ZCCHC2: variants seen among roughly 807,000 people sequenced by gnomAD.
ZCCHC2 encodes zinc finger CCHC domain-containing protein 2.
In ZCCHC2, 39 loss-of-function variants were observed where a neutral mutation model predicts 103.6. The ratio of observed to expected loss-of-function variants is 0.38; its 90% CI spans 0.29 to 0.49. The LOEUF is 0.49. Among genes scored for constraint, ZCCHC2 ranks in the 20% least tolerant of loss-of-function variants. The pLI is 0.96. For synonymous variants in ZCCHC2, 687 were observed against 608.9 expected (o/e 1.13, Z -1.89); for missense variants, 1,483 against 1,491.0 (o/e 0.99, Z 0.09).
chr18:62,544,711 A>G (rs1235214792), intron 3 of ZCCHC2, 91 bp from the exon 4 acceptor site: 1 of 1,006,258 alleles, frequency 9.9e-7, no homozygotes, highest in East Asian at 2.8e-5. Flanking sequence ...GTAAAATTTA[A>G]GTAAGGCCCT....
downstream of ZCCHC2, among the ~76,000 whole-genome samples, chr18:62,583,345 C>G (rs934991823): frequency 6.6e-6 from 1 of 150,706 alleles, no homozygotes; most frequent in African/African-American, 2.4e-5. Flanking sequence ...CGAGTCATAA[C>G]GGTCATGATT....
chr18:62,554,451 T>C (rs550296255), intron 5 of ZCCHC2, among the ~76,000 whole-genome samples: 14 of 152,366 alleles, frequency 9.2e-5, no homozygotes, highest in African/African-American at 3.4e-4. Flanking sequence ...ACTCATTTGA[T>C]TTATCAAATA....
rs375978339 is a variant in ZCCHC2, at chr18:62,577,101, A to G, written c.*522A>G. Reference sequence around the variant, plus strand: ...ACCCCACTTTTGTAAACTGCTCTGCATATAAACCAAGGGCAGAATGTTTCA... The same window carrying G: ...ACCCCACTTTTGTAAACTGCTCTGCGTATAAACCAAGGGCAGAATGTTTCA... On this transcript the variant is annotated 3_prime_UTR_variant, in exon 14 of 14. Transcript: ENST00000269499. The G allele has an allele frequency of 2.4e-3, 374 of 157,062 alleles. No individual in the cohort carries two copies. Among genetic ancestry groups the G allele is most frequent in the African/African-American group, 8.4e-3 (348 of 41,590 alleles). 9.7% of individuals were successfully genotyped at this position (157,062 alleles called of 1,614,324 possible). A position where few individuals can be genotyped will look rare whatever the true frequency, so the allele number is the denominator to read the frequency against.
At chr18:62,560,113 C>T (rs868692865) in intron 7 of ZCCHC2, among the ~76,000 whole-genome samples, 5 of 152,138 alleles carry the variant, frequency 3.3e-5, no homozygotes, top group Non-Finnish European at 7.4e-5. Flanking sequence ...ACTAGTTAGC[C>T]TCTAGAGGGA....
intron 1 of ZCCHC2, among the ~76,000 whole-genome samples, chr18:62,535,585 C>T (rs999131426): frequency 6.6e-6 from 1 of 152,212 alleles, no homozygotes. Flanking sequence ...TCTCCTCTCT[C>T]CACGTGGTCC....
In ZCCHC2 at chr18:62,574,346, T is replaced by C. The variant is rs6567290; in HGVS notation, c.2265T>C (p.Pro755=). The part of the protein sequence containing the change: ...GKTIGMLVPS[P]VAISAIRESA... The stretch of plus-strand genomic sequence containing the variant: ...CCATAGGGATGCTTGTTCCTAGTCC[T>C]GTTGCTATTTCTGCAATAAGGGAGT... Residue 755 remains proline, a synonymous_variant, in exon 13 of 14, where the codon CCT becomes CCC. Transcript: ENST00000269499. The C allele has an allele frequency of 7.6e-3, 12,215 of 1,614,026 alleles. 720 individuals carry two copies. In the African/African-American group the frequency reaches 0.14, roughly 18 times the overall value.
chr18:62,564,682 C>T, intron 10 of ZCCHC2, 47 bp downstream of exon 10: 1 of 1,359,220 alleles, frequency 7.4e-7, no homozygotes, highest in Non-Finnish European at 1.0e-6. Context: ...TGATAATAGG[C>T]CTGTTTAGTT....
intron 11 of ZCCHC2, among the ~76,000 whole-genome samples, 164 bp downstream of exon 11, chr18:62,565,260 T>G (rs1916310247): frequency 6.6e-6 from 1 of 152,182 alleles, no homozygotes; most frequent in Non-Finnish European, 1.5e-5. Flanking sequence ...CTGAAATCAA[T>G]GGAGTTAATT....
intron 11 of ZCCHC2, 23 bp from the exon 12 acceptor site, chr18:62,570,080 T>G (rs775335260): frequency 2.3e-5 from 36 of 1,553,030 alleles, no homozygotes; most frequent in Non-Finnish European, 3.0e-5. Context: ...CATGATTTTT[T>G]AAAATAGTGT....
intron 13 of ZCCHC2, among the ~76,000 whole-genome samples, chr18:62,576,171 G>A (rs1916834628): frequency 1.3e-5 from 2 of 152,044 alleles, no homozygotes; most frequent in South Asian, 4.1e-4. Flanking sequence ...ACCTATGTTT[G>A]AGTAAGATAC....
Position 62,542,508 on chromosome 18 carries a change from T to A in ZCCHC2, c.1062T>A (p.Ile354=), listed in dbSNP as rs1409671793. The part of the protein sequence containing the change: ...PHRAQREAVH[I]EKIMLKGVQR... Reference sequence around the variant, plus strand: ...TTTTTTTTCTTTCAGCTGTACACATTGAGAAGATAATGTTGAAAGGAGTCC... The same window carrying A: ...TTTTTTTTCTTTCAGCTGTACACATAGAGAAGATAATGTTGAAAGGAGTCC... Residue 354 remains isoleucine (I), a synonymous_variant, in exon 3 of 14, where the codon ATT becomes ATA. Transcript: ENST00000269499. The A allele has an allele frequency of 6.4e-7, 1 of 1,561,232 alleles. No individual in the cohort carries two copies. Among genetic ancestry groups the A allele is most frequent in the Non-Finnish European group, 8.7e-7 (1 of 1,151,342 alleles).
intron 2 of ZCCHC2, among the ~76,000 whole-genome samples, chr18:62,541,860 T>C (rs1326426559): frequency 6.6e-6 from 1 of 152,232 alleles, no homozygotes; most frequent in East Asian, 1.9e-4. Context: ...ATTCAGAGTG[T>C]TTTAAAGTTT....
intron 3 of ZCCHC2, 66 bp from the exon 4 acceptor site, chr18:62,544,736 G>T: frequency 7.3e-7 from 1 of 1,370,216 alleles, no homozygotes. Flanking sequence ...TTTTGCACAT[G>T]GCTTTTTTCT....
chr18:62,560,208 G>C (rs1916057767), intron 7 of ZCCHC2: 1 of 158,044 alleles, frequency 6.3e-6, no homozygotes, highest in Non-Finnish European at 1.4e-5. Context: ...GAGCAGTCTG[G>C]AGGGTGGTGT....
chr18:62,563,256 G>A (rs1916204268), intron 9 of ZCCHC2, 112 bp downstream of exon 9: 2 of 1,321,136 alleles, frequency 1.5e-6, no homozygotes, highest in Admixed American at 2.5e-5. Context: ...AAGAAATGAA[G>A]GAATGTTTAA....
chr18:62,563,291 G>A, intron 9 of ZCCHC2, 147 bp downstream of exon 9: 3 of 935,654 alleles, frequency 3.2e-6, no homozygotes, highest in Non-Finnish European at 4.6e-6. Context: ...ACTTATATAT[G>A]ATCTAAGCTC....
At position 62,574,429 on chromosome 18, in the gene ZCCHC2, A is replaced by G; in HGVS notation, c.2348A>G (p.Glu783Gly). ...CCAACAGCTTGCACTGGAGAATCGGAAAAGCACCTTGAGTTACTGGCTTCC... is the reference window on the plus strand; with the variant it reads ...CCAACAGCTTGCACTGGAGAATCGGGAAAGCACCTTGAGTTACTGGCTTCC... ...LGPTACTGES[E>G]KHLELLASPL... The change falls in exon 13 of 14, where the codon GAA becomes GGA. Residue 783 changes from glutamate to glycine, a missense_variant. This residue lies in a region of ZCCHC2 where 884 missense variants were observed against 907.5 expected (regional missense o/e 0.97). Transcript: ENST00000269499. 2.5e-6 allele frequency: 4 copies of G among 1,614,008 alleles called. No individual in the cohort carries two copies. Among genetic ancestry groups the G allele is most frequent in the Non-Finnish European group, 3.4e-6 (4 of 1,179,896 alleles).
intron 5 of ZCCHC2, among the ~76,000 whole-genome samples, chr18:62,555,716 G>A (rs1367765009): frequency 6.6e-6 from 1 of 152,118 alleles, no homozygotes; most frequent in Non-Finnish European, 1.5e-5. Flanking sequence ...GCTGAGACAG[G>A]AGAATAGCTT....
At chr18:62,534,690 A>G (rs139423093) in intron 1 of ZCCHC2, among the ~76,000 whole-genome samples, 23 of 152,340 alleles carry the variant, frequency 1.5e-4, no homozygotes, top group African/African-American at 4.8e-4. Flanking sequence ...TGTCTTGGGT[A>G]TCAAATGATT....
Sources: allele counts gnomAD v4.1 joint callset (sites outside exome capture counted in the v4.1 genomes callset), GRCh38; gene constraint gnomAD v4.1.1; regional missense constraint gnomAD v4.1.1; transcripts MANE v1.5; gene names NCBI Gene and HGNC (gene_info 2026-07-23, HGNC 2026-07-21).